The following CA10 variants were observed in gnomAD, a reference collection of about 807,000 sequenced individuals.
CA10 encodes carbonic anhydrase 10 (inactive).
A neutral mutation model predicts 44.2 loss-of-function variants in CA10; 14 were observed. The ratio of observed to expected loss-of-function variants is 0.32; its 90% CI spans 0.21 to 0.50. The LOEUF (loss-of-function observed/expected upper bound fraction) is 0.50, where lower values mean the gene tolerates loss of function less well. Ranked by LOEUF, CA10 falls within the 20% of genes least tolerant of loss-of-function variation. CA10 has a pLI of 0.99. For missense variants in CA10, 350 were observed against 409.7 expected, an observed-to-expected ratio of 0.85 and a Z score of 1.26; for synonymous variants, 159 against 141.6, an observed-to-expected ratio of 1.12 and a Z score of -0.87.
chr17:51,796,261 A>G (rs1479880987), intron 3 of CA10, among the ~76,000 whole-genome samples: 1 of 152,008 alleles, frequency 6.6e-6, no homozygotes, highest in Non-Finnish European at 1.5e-5. Context: ...GAAAAGGGGA[A>G]GTGCCTTGTC....
At chr17:51,992,659 C>T (rs149009784) in intron 2 of CA10, among the ~76,000 whole-genome samples, 19 of 152,220 alleles carry the variant, frequency 1.2e-4, no homozygotes, top group African/African-American at 4.3e-4. Context: ...ATGACAATCT[C>T]TTTATTCTTT....
chr17:51,707,730 G>GA (rs142536653), intron 4 of CA10, among the ~76,000 whole-genome samples: 7,305 of 140,008 alleles, frequency 0.052, 296 homozygotes, highest in African/African-American at 0.092. Flanking sequence ...CCTTAATCAA[G>GA]AAAATGGAAT....
At chr17:51,863,955 A>T (rs1178840405) in intron 3 of CA10, among the ~76,000 whole-genome samples, 1 of 152,194 alleles carries the variant, frequency 6.6e-6, no homozygotes. Context: ...ATCATTGGCC[A>T]TGATTCACTG....
At chr17:51,906,584 A>G (rs1318120165) in intron 3 of CA10, among the ~76,000 whole-genome samples, 1 of 152,112 alleles carries the variant, frequency 6.6e-6, no homozygotes, top group Non-Finnish European at 1.5e-5. Flanking sequence ...AATATTTGTT[A>G]TATGCCATGG....
intron 3 of CA10, among the ~76,000 whole-genome samples, chr17:51,749,133 T>C (rs937141683): frequency 1.3e-5 from 2 of 152,224 alleles, no homozygotes; most frequent in Non-Finnish European, 2.9e-5. Context: ...ATGGAGCTCA[T>C]GTCAGCCTAG....
chr17:51,827,721 G>A (rs372837796), intron 3 of CA10, among the ~76,000 whole-genome samples: 1 of 152,212 alleles, frequency 6.6e-6, no homozygotes, highest in Admixed American at 6.5e-5. Context: ...GGCTCTGTGA[G>A]TACTTGGTGG....
At chr17:51,740,665 C>G (rs755557943) in intron 4 of CA10, among the ~76,000 whole-genome samples, 1 of 152,216 alleles carries the variant, frequency 6.6e-6, no homozygotes, top group Non-Finnish European at 1.5e-5. Flanking sequence ...TGGCCCTGCT[C>G]TGACCTCTCC....
chr17:51,978,536 T>C (rs967122648), intron 2 of CA10, among the ~76,000 whole-genome samples: 1 of 152,018 alleles, frequency 6.6e-6, no homozygotes, highest in Non-Finnish European at 1.5e-5. Context: ...CTCTACTTCA[T>C]ATCATATCAT....
At chr17:51,882,516 G>A (rs1598098308) in intron 3 of CA10, among the ~76,000 whole-genome samples, 1 of 152,202 alleles carries the variant, frequency 6.6e-6, no homozygotes, top group Non-Finnish European at 1.5e-5. Context: ...ACTAAATGGG[G>A]CTGGCTTTCT....
At chr17:51,714,363 C>A (rs1358506037) in intron 4 of CA10, among the ~76,000 whole-genome samples, 1 of 152,198 alleles carries the variant, frequency 6.6e-6, no homozygotes, top group Non-Finnish European at 1.5e-5. Flanking sequence ...CCTTTGTCAC[C>A]TGTAAAATGG....
intron 2 of CA10, 128 bp downstream of exon 2, chr17:52,072,191 T>G: frequency 1.6e-6 from 1 of 621,828 alleles, no homozygotes; most frequent in Non-Finnish European, 2.8e-6. Context: ...AACTTTGTCT[T>G]GATGGAGTAT....
intron 1 of CA10, among the ~76,000 whole-genome samples, chr17:52,094,980 A>T (rs1988367544): frequency 6.6e-6 from 1 of 152,184 alleles, no homozygotes; most frequent in African/African-American, 2.4e-5. Context: ...ATAGATGCAA[A>T]AAATATTAGT....
chr17:51,838,810 C>T (rs963548898), intron 3 of CA10, among the ~76,000 whole-genome samples: 6 of 152,242 alleles, frequency 3.9e-5, no homozygotes, highest in African/African-American at 9.6e-5. Flanking sequence ...CAGCACCTCC[C>T]ATGACCCTGC....
At chr17:51,910,773 A>C (rs1206943699) in intron 3 of CA10, among the ~76,000 whole-genome samples, 1 of 152,148 alleles carries the variant, frequency 6.6e-6, no homozygotes, top group Non-Finnish European at 1.5e-5. Flanking sequence ...TTCCTTCAGG[A>C]AGACCCAATG....
At chr17:51,759,786 G>C (rs532330468) in intron 3 of CA10, among the ~76,000 whole-genome samples, 1 of 152,148 alleles carries the variant, frequency 6.6e-6, no homozygotes, top group South Asian at 2.1e-4. Context: ...AAGGGGTACA[G>C]TAATATAGAG....
Position 52,145,311 on chromosome 17 carries a change from C to A in CA10, c.61+12415G>T, listed in dbSNP as rs1181928183. Among the ~76,000 whole-genome samples the A allele has an allele frequency of 3.3e-5, 5 of 152,274 alleles. No homozygotes were observed. In the East Asian group the frequency reaches 9.6e-4, roughly 29 times the overall value. On this transcript the variant is annotated intron_variant, in intron 1 of 8. Transcript: ENST00000451037. ...ATGAACAGCAAATTTGGACAACTTT[C>A]TGTAAAAGTCTCTTAATATACTAAA...
intron 1 of CA10, among the ~76,000 whole-genome samples, chr17:52,141,169 C>A (rs1338433532): frequency 6.6e-6 from 1 of 152,108 alleles, no homozygotes; most frequent in Non-Finnish European, 1.5e-5. Context: ...GGTGACTTTC[C>A]CCCATAATGT....
intron 4 of CA10, among the ~76,000 whole-genome samples, chr17:51,693,901 G>C (rs780250902): frequency 6.6e-6 from 1 of 152,072 alleles, no homozygotes; most frequent in Non-Finnish European, 1.5e-5. Context: ...TCTGTTCTAA[G>C]TTCTTTAAGA....
intron 6 of CA10, among the ~76,000 whole-genome samples, chr17:51,641,449 A>G (rs904170154): frequency 2.0e-5 from 3 of 152,180 alleles, no homozygotes; most frequent in Non-Finnish European, 2.9e-5. Context: ...TATCTTAGGT[A>G]GGTCAAATTT....
Sources: allele counts gnomAD v4.1 joint callset (sites outside exome capture counted in the v4.1 genomes callset), GRCh38; gene constraint gnomAD v4.1.1; transcripts MANE v1.5; gene names NCBI Gene and HGNC (gene_info 2026-07-23, HGNC 2026-07-21).